The following CDK8 variants were observed in gnomAD, a reference collection of about 807,000 sequenced individuals.
CDK8 encodes cyclin dependent kinase 8, also known as cyclin-dependent kinase 8.
A neutral mutation model predicts 71.5 loss-of-function variants in CDK8; 29 were observed. That is an observed-to-expected ratio of 0.41 (90% confidence interval 0.30 to 0.55). CDK8 has a LOEUF of 0.55. CDK8 is among the 20% of genes least tolerant of loss of function. CDK8 has a pLI of 0.37. For synonymous variants in CDK8, 161 were observed against 192.1 expected, an observed-to-expected ratio of 0.84 and a Z score of 1.34; for missense variants, 288 against 572.6, an observed-to-expected ratio of 0.50 and a Z score of 5.07.
chr13:26,355,708 G>T (rs1047778105), intron 4 of CDK8, among the ~76,000 whole-genome samples: 4 of 152,150 alleles, frequency 2.6e-5, no homozygotes, highest in African/African-American at 9.7e-5. Context: ...TTTGGCCATT[G>T]GGGTGGAGTC....
At chr13:26,385,593 C>T (rs775016892) in intron 6 of CDK8, among the ~76,000 whole-genome samples, 5 of 151,936 alleles carry the variant, frequency 3.3e-5, no homozygotes, top group Non-Finnish European at 5.9e-5. Context: ...AAAAATTAGC[C>T]GGGCATGGTG....
chr13:26,299,633 T>C (rs1873731768), intron 1 of CDK8, among the ~76,000 whole-genome samples: 1 of 152,216 alleles, frequency 6.6e-6, no homozygotes, highest in Admixed American at 6.5e-5. Context: ...ATCTTGCCTC[T>C]AGCATGGGGT....
chr13:26,289,066 T>C (rs1873169615), intron 1 of CDK8, among the ~76,000 whole-genome samples: 1 of 146,394 alleles, frequency 6.8e-6, no homozygotes, highest in Non-Finnish European at 1.5e-5. Context: ...TTTTTTTTTT[T>C]TTTTTTTTTG....
At chr13:26,374,640 A>C (rs779125369) in intron 4 of CDK8, among the ~76,000 whole-genome samples, 2 of 152,194 alleles carry the variant, frequency 1.3e-5, no homozygotes, top group African/African-American at 4.8e-5. Flanking sequence ...ACATGAATAT[A>C]TTAGCTTAAT....
chr13:26,356,586 A>C (rs2138003857), intron 4 of CDK8, among the ~76,000 whole-genome samples: 1 of 152,328 alleles, frequency 6.6e-6, no homozygotes, highest in Admixed American at 6.5e-5. Context: ...ATTTCTGAAG[A>C]AAAATCTCAT....
intron 7 of CDK8, among the ~76,000 whole-genome samples, chr13:26,393,727 T>G (rs1419226070): frequency 6.6e-6 from 1 of 152,206 alleles, no homozygotes; most frequent in Non-Finnish European, 1.5e-5. Flanking sequence ...ATTTCAGGAC[T>G]GTATTTTTGT....
intron 1 of CDK8, among the ~76,000 whole-genome samples, chr13:26,268,149 A>G (rs1872114183): frequency 6.6e-6 from 1 of 152,148 alleles, no homozygotes; most frequent in Non-Finnish European, 1.5e-5. Context: ...TGGAAAGAAG[A>G]AATGGGAGTA....
chr13:26,345,011 C>T (rs1873404401), intron 2 of CDK8, among the ~76,000 whole-genome samples: 1 of 152,182 alleles, frequency 6.6e-6, no homozygotes, highest in Non-Finnish European at 1.5e-5. Flanking sequence ...ATGAGACTGG[C>T]AGCGTGATAC....
At chr13:26,301,544 A>G (rs1457142111) in intron 1 of CDK8, among the ~76,000 whole-genome samples, 3 of 152,196 alleles carry the variant, frequency 2.0e-5, no homozygotes, top group Non-Finnish European at 4.4e-5. Context: ...GAGAGATGCC[A>G]TCATCTGAGT....
chr13:26,295,414 G>C (rs1019659450), intron 1 of CDK8, among the ~76,000 whole-genome samples: 4 of 152,166 alleles, frequency 2.6e-5, no homozygotes, highest in Non-Finnish European at 5.9e-5. Context: ...CAGAGGGGAA[G>C]GCAAAAGAGT....
In CDK8 at chr13:26,366,291, C is replaced by T. The variant is rs114405687; in HGVS notation, c.456+12411C>T. On this transcript the variant is annotated intron_variant, in intron 4 of 12. Coordinates refer to ENST00000381527, the MANE Select transcript of CDK8 (RefSeq NM_001260.3). ...GTCTTCCTACAGAAACAAGCACAAG[C>T]AGAGAGCCATATTTCAAAATCAGTT... 6.6e-3 allele frequency among the ~76,000 whole-genome samples: 1,004 copies of T among 152,150 alleles called. 10 individuals are homozygous for T. Among genetic ancestry groups the T allele is most frequent in the African/African-American group, 0.021 (870 of 41,528 alleles).
At chr13:26,258,868 G>C (rs1475680764) in intron 1 of CDK8, among the ~76,000 whole-genome samples, 1 of 151,964 alleles carries the variant, frequency 6.6e-6, no homozygotes, top group Admixed American at 6.6e-5. Flanking sequence ...AAAAAGCTTG[G>C]TAACTCCCAA....
At chr13:26,269,347 G>A (rs1179122779) in intron 1 of CDK8, among the ~76,000 whole-genome samples, 1 of 152,176 alleles carries the variant, frequency 6.6e-6, no homozygotes, top group African/African-American at 2.4e-5. Flanking sequence ...GTACAAATGA[G>A]TCCAGCTGTG....
chr13:26,254,992 G>A lies in CDK8; in HGVS notation c.128+223G>A, dbSNP rs1871454953. Among the ~76,000 whole-genome samples, 1 of 152,236 alleles carries A rather than the reference G, an allele frequency of 6.6e-6. No individual in the cohort carries two copies. Among genetic ancestry groups the A allele is most frequent in the Non-Finnish European group, 1.5e-5 (1 of 68,044 alleles). On this transcript the variant is annotated intron_variant, in intron 1 of 12. Coordinates refer to ENST00000381527, the MANE Select transcript of CDK8 (RefSeq NM_001260.3). This position sits in a 1 kb window ranked among gnomAD's most constrained non-coding sequence, Gnocchi z 6.7. ...TCTGTGTTCTGCTCTGGTGGTAAGA[G>A]GCAAGATGAGCCTCTGCACCGTGGG... is the stretch of plus-strand genomic sequence containing the variant.
Position 26,393,376 on chromosome 13 carries a change from C to G in CDK8, c.656C>G (p.Ala219Gly), listed in dbSNP as rs2138063054. The G allele has an allele frequency of 6.3e-7, 1 of 1,588,462 alleles. No individual in the cohort carries two copies. Among genetic ancestry groups the G allele is most frequent in the South Asian group, 1.1e-5 (1 of 88,864 alleles). Residue 219 changes from alanine to glycine, a missense_variant, in exon 7 of 13, where the codon GCT becomes GGT. Coordinates refer to ENST00000381527, the MANE Select transcript of CDK8 (RefSeq NM_001260.3). ...RHYTKAIDIW[A>G]IGCIFAELLT... Reference sequence around the variant, plus strand: ...TCTTTTTGTTTTAAAGATATTTGGGCTATAGGGTGTATATTTGCAGAACTA... The same window carrying G: ...TCTTTTTGTTTTAAAGATATTTGGGGTATAGGGTGTATATTTGCAGAACTA...
At chr13:26,391,491 ATAAC>A (rs59329395) in intron 6 of CDK8, among the ~76,000 whole-genome samples, 8,825 of 152,232 alleles carry the variant, frequency 0.058, 844 homozygotes, top group African/African-American at 0.2. Context: ...GGAATTTTTA[ATAAC>A]TAACCAGATG....
In CDK8 at chr13:26,400,502, A is replaced by G. The variant is rs202027259; in HGVS notation, c.983A>G (p.Gln328Arg). The G allele has an allele frequency of 2.5e-6, 4 of 1,613,526 alleles. No individual in the cohort carries two copies. The highest frequency in any genetic ancestry group is 3.4e-6 in the Non-Finnish European group (4 of 1,179,528). Residue 328 changes from glutamine (Q) to arginine (R), a missense_variant, in exon 10 of 13, where the codon CAG becomes CGG. Physicochemically the swap from Gln to Arg is conservative, Grantham distance 43 (BLOSUM62 1). Coordinates refer to ENST00000381527, the MANE Select transcript of CDK8 (RefSeq NM_001260.3). The stretch of plus-strand genomic sequence containing the variant: ...CCAATAAAGCGAATTACCTCAGAAC[A>G]GGCTATGCAGGACCCCTATTTCTTA... ...MDPIKRITSE[Q>R]AMQDPYFLED...
rs376342232 is a variant in CDK8, at chr13:26,392,574, C to G, written c.647-793C>G. 2.0e-4 allele frequency among the ~76,000 whole-genome samples: 31 copies of G among 152,222 alleles called. No individual in the cohort carries two copies. In the East Asian group the frequency reaches 4.8e-3, roughly 24 times the overall value. ...ATTTCCTGACCTCGTGATCCGTCCT[C>G]CTCAGCCTCCCAACATGCTGGGATT... On this transcript the variant is annotated intron_variant, in intron 6 of 12. Coordinates refer to ENST00000381527, the MANE Select transcript of CDK8 (RefSeq NM_001260.3).
chr13:26,302,833 A>G (rs1873881331), intron 1 of CDK8, among the ~76,000 whole-genome samples: 2 of 152,160 alleles, frequency 1.3e-5, no homozygotes, highest in Admixed American at 6.5e-5. Flanking sequence ...TTTAAATTGC[A>G]TAGTCCTTGA....
Sources: allele counts gnomAD v4.1 joint callset (sites outside exome capture counted in the v4.1 genomes callset), GRCh38; gene constraint gnomAD v4.1.1; non-coding constraint Gnocchi (gnomAD v3.1); transcripts MANE v1.5; gene names NCBI Gene and HGNC (gene_info 2026-07-23, HGNC 2026-07-21).